TNIK: variants seen among roughly 807,000 people sequenced by gnomAD.
TNIK encodes the protein TRAF2 and NCK-interacting protein kinase.
In TNIK, 49 loss-of-function variants were observed where a neutral mutation model predicts 191.3. The observed-to-expected ratio is 0.26, with a 90% CI of 0.20 to 0.32. The LOEUF (loss-of-function observed/expected upper bound fraction) is 0.32. TNIK is among the 10% of genes least tolerant of loss of function. The pLI, the probability that TNIK is intolerant of heterozygous loss-of-function variation, is 1.00. For synonymous variants in TNIK, 594 were observed against 600.9 expected (o/e 0.99, Z 0.17); for missense variants, 1,155 against 1,702.3 (o/e 0.68, Z 5.66).
intron 5 of TNIK, among the ~76,000 whole-genome samples, chr3:171,191,365 C>A (rs1325029754): frequency 6.6e-6 from 1 of 152,156 alleles, no homozygotes; most frequent in African/African-American, 2.4e-5. Flanking sequence ...GCCTCAGCCT[C>A]CAGAGTAGCT....
intron 2 of TNIK, among the ~76,000 whole-genome samples, chr3:171,301,093 T>A (rs895221232): frequency 6.6e-6 from 1 of 151,916 alleles, no homozygotes; most frequent in Non-Finnish European, 1.5e-5. Flanking sequence ...AATGGAGAAA[T>A]CTAGTGGGTA....
intron 2 of TNIK, among the ~76,000 whole-genome samples, chr3:171,289,527 C>T (rs763907210): frequency 6.6e-6 from 1 of 152,170 alleles, no homozygotes; most frequent in South Asian, 2.1e-4. Flanking sequence ...CTGACTTTGC[C>T]AGGAGCAGTT....
At chr3:171,115,927 G>A (rs550465517) in intron 18 of TNIK, among the ~76,000 whole-genome samples, 6 of 152,312 alleles carry the variant, frequency 3.9e-5, no homozygotes, top group Admixed American at 6.5e-5. Context: ...TGGGCTCAGA[G>A]TCTCATCCTG....
chr3:171,224,440 G>T (rs1435882900), intron 3 of TNIK, among the ~76,000 whole-genome samples: 2 of 151,518 alleles, frequency 1.3e-5, no homozygotes, highest in African/African-American at 4.9e-5. Flanking sequence ...TTATCCAAAT[G>T]AAAATGGGGA....
intron 2 of TNIK, among the ~76,000 whole-genome samples, chr3:171,266,755 A>G (rs993380885): frequency 1.8e-4 from 28 of 152,188 alleles, no homozygotes. Context: ...GTGCCTTGAA[A>G]ACACTTCCTT....
chr3:171,188,885 C>T (rs750972449), intron 6 of TNIK, 53 bp from the exon 7 acceptor site: 40 of 1,576,136 alleles, frequency 2.5e-5, no homozygotes, highest in South Asian at 1.7e-4. Flanking sequence ...TTTTAGATAG[C>T]GATAAAATGA....
intron 1 of TNIK, among the ~76,000 whole-genome samples, chr3:171,457,976 T>C (rs1038094977): frequency 1.3e-5 from 2 of 152,220 alleles, no homozygotes; most frequent in African/African-American, 4.8e-5. Context: ...GGCTCCGTGC[T>C]TGGTATCTCA....
At chr3:171,260,502 G>A (rs910159087) in intron 2 of TNIK, among the ~76,000 whole-genome samples, 4 of 152,164 alleles carry the variant, frequency 2.6e-5, no homozygotes, top group African/African-American at 9.7e-5. Flanking sequence ...TTCCAAGAGG[G>A]GAAGGATGTG....
At chr3:171,446,109 T>C (rs1035436864) in intron 1 of TNIK, among the ~76,000 whole-genome samples, 9 of 152,206 alleles carry the variant, frequency 5.9e-5, no homozygotes, top group African/African-American at 2.2e-4. Flanking sequence ...TTTCCCATCA[T>C]TGTATAGGTT....
intron 21 of TNIK, 85 bp downstream of exon 21, chr3:171,107,098 G>T: frequency 7.1e-7 from 1 of 1,411,158 alleles, no homozygotes; most frequent in Non-Finnish European, 9.7e-7. Flanking sequence ...TGCTCCCATT[G>T]GCCACCTTTC....
chr3:171,375,113 G>C (rs1421902622), intron 1 of TNIK, among the ~76,000 whole-genome samples: 1 of 152,164 alleles, frequency 6.6e-6, no homozygotes, highest in African/African-American at 2.4e-5. Flanking sequence ...TTGAACCTCA[G>C]TTTCCTCATC....
At chr3:171,231,934 G>A (rs979571602) in intron 2 of TNIK, among the ~76,000 whole-genome samples, 4 of 151,878 alleles carry the variant, frequency 2.6e-5, no homozygotes, top group South Asian at 2.1e-4. Context: ...AATTTCTATC[G>A]CCAAACTTTT....
intron 3 of TNIK, among the ~76,000 whole-genome samples, chr3:171,220,743 C>G (rs1742203971): frequency 6.6e-6 from 1 of 152,118 alleles, no homozygotes; most frequent in Admixed American, 6.6e-5. Context: ...TAATTTTGAT[C>G]AAGTGCTTTG....
chr3:171,234,794 A>C (rs1361919999), intron 2 of TNIK, among the ~76,000 whole-genome samples: 1 of 152,206 alleles, frequency 6.6e-6, no homozygotes, highest in Non-Finnish European at 1.5e-5. Flanking sequence ...CCCAGGAAAG[A>C]CACGCACAGC....
chr3:171,170,379 A>G (rs1190126104), intron 9 of TNIK, among the ~76,000 whole-genome samples: 2 of 152,184 alleles, frequency 1.3e-5, no homozygotes, highest in Non-Finnish European at 2.9e-5. Context: ...GTTGGGTTAA[A>G]AGTTTTTGGT....
At chr3:171,368,321 T>A (rs1019981544) in intron 2 of TNIK, among the ~76,000 whole-genome samples, 11 of 152,214 alleles carry the variant, frequency 7.2e-5, no homozygotes, top group Admixed American at 6.5e-4. Context: ...CAGAAGTAAT[T>A]TTGTACCTAA....
chr3:171,456,205 C>G (rs1307267319), intron 1 of TNIK, among the ~76,000 whole-genome samples: 3 of 152,180 alleles, frequency 2.0e-5, no homozygotes, highest in Non-Finnish European at 4.4e-5. Flanking sequence ...AAGTTAAGGA[C>G]AGCCAAGGTG....
intron 12 of TNIK, among the ~76,000 whole-genome samples, chr3:171,149,699 G>A (rs887888658): frequency 3.3e-5 from 5 of 152,172 alleles, no homozygotes; most frequent in Non-Finnish European, 4.4e-5. Context: ...AAAGCTCATG[G>A]GCACGCTTTG....
chr3:171,201,520 T>C (rs1264078580), intron 4 of TNIK, among the ~76,000 whole-genome samples: 1 of 152,208 alleles, frequency 6.6e-6, no homozygotes, highest in Non-Finnish European at 1.5e-5. Context: ...ATTTTCATCA[T>C]GTGTGGCTGA....
Sources: allele counts gnomAD v4.1 joint callset (sites outside exome capture counted in the v4.1 genomes callset), GRCh38; gene constraint gnomAD v4.1.1; transcripts MANE v1.5; gene names NCBI Gene and HGNC (gene_info 2026-07-23, HGNC 2026-07-21).